COLEC11: variants seen among roughly 807,000 people sequenced by gnomAD.
COLEC11 encodes the protein collectin-11.
In COLEC11, 20 loss-of-function variants were observed where a neutral mutation model predicts 27.3. The ratio of observed to expected loss-of-function variants is 0.73; its 90% CI spans 0.51 to 1.06. COLEC11 has a LOEUF of 1.06. COLEC11 is among the 50% of genes least tolerant of loss of function. COLEC11 has a pLI of 0.00. For synonymous variants in COLEC11, 163 were observed against 154.7 expected, an observed-to-expected ratio of 1.05 and a Z score of -0.40; for missense variants, 310 against 383.0, an observed-to-expected ratio of 0.81 and a Z score of 1.59.
intron 1 of COLEC11, among the ~76,000 whole-genome samples, chr2:3,596,908 C>T (rs1325820936): frequency 6.6e-6 from 1 of 152,240 alleles, no homozygotes; most frequent in Non-Finnish European, 1.5e-5. Flanking sequence ...GTGCCCTCAC[C>T]CTGTGCCTAC....
chr2:3,604,333 C>A lies in COLEC11; in HGVS notation c.-8C>A, dbSNP rs375389655. 3.7e-6 allele frequency: 6 copies of A among 1,613,772 alleles called. No homozygotes were observed. The African/African-American group carries it at 8.0e-5, about 22-fold the overall frequency. On this transcript the variant is annotated 5_prime_UTR_variant, in exon 2 of 7. Transcript: ENST00000349077. ...TGTGTAGGAGTTGGTGTCCTGCCTGCGCTCAGGATGAGGGGGAATCTGGCC... is the reference window on the plus strand; with the variant it reads ...TGTGTAGGAGTTGGTGTCCTGCCTGAGCTCAGGATGAGGGGGAATCTGGCC...
intron 3 of COLEC11, among the ~76,000 whole-genome samples, chr2:3,632,151 C>T (rs1665058793): frequency 6.6e-6 from 1 of 152,250 alleles, no homozygotes; most frequent in African/African-American, 2.4e-5. Context: ...CTGAGGCTTA[C>T]AGAGGGCTGT....
intron 3 of COLEC11, 77 bp from the exon 4 acceptor site, chr2:3,637,456 T>C (rs3811528): frequency 0.79 from 883,029 of 1,112,888 alleles, 351,412 homozygotes; most frequent in East Asian, 0.89. Flanking sequence ...GGTCGGGTTA[T>C]CCGTGCACGT....
At position 3,641,309 on chromosome 2, in the gene COLEC11, G is replaced by T. The variant is rs558629960; in HGVS notation, c.328+978G>T. On this transcript the variant is annotated intron_variant, in intron 5 of 6. Coordinates refer to ENST00000349077, the MANE Select transcript of COLEC11 (RefSeq NM_024027.5). Reference sequence around the variant, plus strand: ...GTGTGCTTGCCGGTGTGACTTGGCTGAGTGTGAGTGCGCTGAGATCAGTGT... The same window carrying T: ...GTGTGCTTGCCGGTGTGACTTGGCTTAGTGTGAGTGCGCTGAGATCAGTGT... 1.4e-4 allele frequency: 182 copies of T among 1,303,736 alleles called. 6 individuals carry two copies. The South Asian group carries it at 2.2e-3, about 15-fold the overall frequency. The allele number at this position is 1,303,736 out of a possible 1,614,324, so 80.8% of individuals were successfully genotyped here.
rs1377816585 is a variant in COLEC11, at chr2:3,602,110, C to T, written c.-26-2205C>T. ...ATCTGTCCGGACCACCCTCCCCTGGCTTTTGTAGCAGGGCTCTCACGGGGC... is the reference window on the plus strand; with the variant it reads ...ATCTGTCCGGACCACCCTCCCCTGGTTTTTGTAGCAGGGCTCTCACGGGGC... On this transcript the variant is annotated intron_variant, in intron 1 of 6. Transcript: ENST00000349077. This position sits in a 1 kb window ranked among gnomAD's most constrained non-coding sequence, Gnocchi z 6.2. The T allele has an allele frequency of 6.6e-6, 1 of 152,246 alleles. No individual in the cohort carries two copies. The highest frequency in any genetic ancestry group is 2.4e-5 in the African/African-American group (1 of 41,436). 9.4% of individuals were successfully genotyped at this position (152,246 alleles called of 1,614,324 possible).
chr2:3,628,510 G>T (rs940846686), intron 3 of COLEC11, among the ~76,000 whole-genome samples: 1 of 152,260 alleles, frequency 6.6e-6, no homozygotes, highest in Non-Finnish European at 1.5e-5. Context: ...CTTCCGCAAA[G>T]TGCATGCTCT....
intron 3 of COLEC11, among the ~76,000 whole-genome samples, chr2:3,635,141 G>A (rs1313766483): frequency 3.4e-5 from 3 of 88,316 alleles, no homozygotes; most frequent in African/African-American, 5.2e-5. Flanking sequence ...CTCTCCCAAC[G>A]TGCCCCGTGA....
chr2:3,613,482 C>T (rs1663401587), intron 3 of COLEC11, 100 bp downstream of exon 3: 3 of 1,272,286 alleles, frequency 2.4e-6, no homozygotes, highest in Non-Finnish European at 3.3e-6. Context: ...CCAGAGAGGA[C>T]AGGCCCTGCC....
At chr2:3,637,921 T>C (rs1225679145) in intron 4 of COLEC11, among the ~76,000 whole-genome samples, 1 of 152,208 alleles carries the variant, frequency 6.6e-6, no homozygotes, top group Admixed American at 6.5e-5. Flanking sequence ...ACAAGTTTGG[T>C]AACAGACTTA....
intron 2 of COLEC11, chr2:3,605,703 C>T (rs540449754): frequency 5.8e-5 from 12 of 206,126 alleles, no homozygotes; most frequent in Non-Finnish European, 1.0e-4. Context: ...GGAGCGTCTG[C>T]GGCTCTTTTT....
intron 3 of COLEC11, among the ~76,000 whole-genome samples, chr2:3,625,582 GC>G (rs1414438004): frequency 6.7e-6 from 1 of 150,048 alleles, no homozygotes; most frequent in Non-Finnish European, 1.5e-5. Flanking sequence ...CTGTGCCTCA[GC>G]TTGGACCCAT....
chr2:3,602,551 C>T lies in COLEC11; in HGVS notation c.-26-1764C>T, dbSNP rs987702783. On this transcript the variant is annotated intron_variant, in intron 1 of 6. Coordinates refer to ENST00000349077, the MANE Select transcript of COLEC11 (RefSeq NM_024027.5). The surrounding 1 kb of genome is among the most constrained non-coding windows in gnomAD (Gnocchi z 6.2). ...CCACCCACACGTGGGGTCCAGCTGC[C>T]ATCCTCGCCCGCTGTGCTGTTGTGG... Among the ~76,000 whole-genome samples, 1 of 152,324 alleles carries T rather than the reference C, an allele frequency of 6.6e-6. No individual in the cohort carries two copies. Among genetic ancestry groups the T allele is most frequent in the South Asian group, 2.1e-4 (1 of 4,824 alleles).
intron 2 of COLEC11, among the ~76,000 whole-genome samples, chr2:3,605,332 G>A (rs1197188052): frequency 2.3e-5 from 2 of 87,662 alleles, no homozygotes; most frequent in African/African-American, 8.5e-5. Context: ...TGGGTGCCGA[G>A]GAGGGGGCGG....
At position 3,604,197 on chromosome 2, in the gene COLEC11, C is replaced by A. The variant is rs185673371; in HGVS notation, c.-26-118C>A. On this transcript the variant is annotated intron_variant, in intron 1 of 6. Coordinates refer to ENST00000349077, the MANE Select transcript of COLEC11 (RefSeq NM_024027.5). ...AGTGAGGAGCACCCGCCATGGGGGC[C>A]CAGACAGCCCTTCCAGGCACCAGGA... The A allele has an allele frequency of 4.8e-4, 539 of 1,113,848 alleles. 7 individuals carry two copies. The East Asian group carries it at 9.0e-3, about 19-fold the overall frequency. The allele number at this position is 1,113,848 out of a possible 1,614,324, so 69.0% of individuals were successfully genotyped here.
In COLEC11 at chr2:3,602,276, C is replaced by T. The variant is rs915982138; in HGVS notation, c.-26-2039C>T. On this transcript the variant is annotated intron_variant, in intron 1 of 6. Coordinates refer to ENST00000349077, the MANE Select transcript of COLEC11 (RefSeq NM_024027.5). The surrounding 1 kb of genome is among the most constrained non-coding windows in gnomAD (Gnocchi z 6.2). ...TACCCTGACCCCCAAGCCTTGCAAA[C>T]CGAACCATTGCTCCACCCACTGGGT... Among the ~76,000 whole-genome samples the T allele has an allele frequency of 6.6e-6, 1 of 152,130 alleles. No homozygotes were observed. Among genetic ancestry groups the T allele is most frequent in the African/African-American group, 2.4e-5 (1 of 41,430 alleles).
At chr2:3,603,765 G>C (rs887307108) in intron 1 of COLEC11, 2 of 1,169,292 alleles carry the variant, frequency 1.7e-6, no homozygotes, top group African/African-American at 3.1e-5. Flanking sequence ...CCTAAGGCCG[G>C]GGCTCCTCTC....
intron 1 of COLEC11, among the ~76,000 whole-genome samples, chr2:3,597,612 T>G (rs998585978): frequency 6.6e-6 from 1 of 152,022 alleles, no homozygotes; most frequent in Non-Finnish European, 1.5e-5. Flanking sequence ...TGGTTATACC[T>G]GAACAGAATC....
chr2:3,609,094 C>T (rs1019346379), intron 2 of COLEC11, among the ~76,000 whole-genome samples: 1 of 152,188 alleles, frequency 6.6e-6, no homozygotes, highest in Admixed American at 6.5e-5. Context: ...TGCGCCTGGC[C>T]CTGTACAACT....
At position 3,617,074 on chromosome 2, in the gene COLEC11, G is replaced by A. The variant is rs568228898; in HGVS notation, c.202+3692G>A. 2.6e-5 allele frequency among the ~76,000 whole-genome samples: 4 copies of A among 152,020 alleles called. No individual in the cohort carries two copies. In the East Asian group the frequency reaches 7.7e-4, roughly 29 times the overall value. ...TTCAAGATCCGATTTCATTCCTTTG[G>A]CTATGGACCCAGTAGTGACATTGTT... On this transcript the variant is annotated intron_variant, in intron 3 of 6. Coordinates refer to ENST00000349077, the MANE Select transcript of COLEC11 (RefSeq NM_024027.5).
Sources: allele counts gnomAD v4.1 joint callset (sites outside exome capture counted in the v4.1 genomes callset), GRCh38; gene constraint gnomAD v4.1.1; non-coding constraint Gnocchi (gnomAD v3.1); transcripts MANE v1.5; gene names NCBI Gene and HGNC (gene_info 2026-07-23, HGNC 2026-07-21).